NDRG2: variants seen among roughly 807,000 people sequenced by gnomAD.
NDRG2 encodes protein NDRG2.
NDRG2 carries 34 observed loss-of-function variants against 58.2 expected under a neutral mutation model. The observed-to-expected ratio is 0.58, with a 90% CI of 0.44 to 0.78. The LOEUF is 0.78. Among genes scored for constraint, NDRG2 ranks in the 30% least tolerant of loss-of-function variants. The pLI is 0.00. For missense variants in NDRG2, 434 were observed against 471.2 expected (o/e 0.92, Z 0.73); for synonymous variants, 187 against 175.9 (o/e 1.06, Z -0.50).
rs374584083 is a variant in NDRG2 at position 21,018,446 on chromosome 14, A to G, written c.861+11T>C. On this transcript the variant is annotated intron_variant, in intron 13 of 15. Transcript: ENST00000556147. ...TGACTGTGGACGGGGGCCCAGGAAC[A>G]GGTTACTGACCTTGAGGAACGAGGT... is the stretch of plus-strand genomic sequence containing the variant. 6.2e-6 allele frequency: 10 copies of G among 1,613,658 alleles called. No individual in the cohort carries two copies. The highest frequency in any genetic ancestry group is 8.5e-6 in the Non-Finnish European group (10 of 1,179,866).
intron 1 of NDRG2, chr14:21,058,249 G>A (rs745461808): frequency 3.1e-6 from 5 of 1,614,094 alleles, no homozygotes. Context: ...CAAACTGCAG[G>A]TACAAAGAGA....
chr14:21,062,349 A>T (rs544711581), intron 1 of NDRG2, among the ~76,000 whole-genome samples: 1 of 152,326 alleles, frequency 6.6e-6, no homozygotes, highest in South Asian at 2.1e-4. Context: ...CTCAAGGCTC[A>T]GGCTCAAGGG....
chr14:21,060,302 C>A (rs939405420), intron 1 of NDRG2, among the ~76,000 whole-genome samples: 1 of 152,090 alleles, frequency 6.6e-6, no homozygotes, highest in East Asian at 1.9e-4. Context: ...CGTAGTTTCC[C>A]CCACAGCCTC....
At chr14:21,042,432 C>G (rs1884939592) in intron 1 of NDRG2, 1 of 160,398 alleles carries the variant, frequency 6.2e-6, no homozygotes, top group Non-Finnish European at 1.4e-5. Context: ...GCACGAAGAC[C>G]AAGCGCAAAG....
intron 2 of NDRG2, 62 bp from the exon 3 acceptor site, chr14:21,022,967 GACAA>G (rs1359916225): frequency 2.5e-6 from 4 of 1,578,312 alleles, no homozygotes; most frequent in Admixed American, 1.7e-5. Context: ...CAGATGGAGA[GACAA>G]ACAGACAAAG....
chr14:21,030,454 G>A (rs1417070330), upstream of NDRG2: 1 of 932,404 alleles, frequency 1.1e-6, no homozygotes, highest in Non-Finnish European at 1.6e-6. Context: ...CAGGGAAGAG[G>A]GGAGCTGTTC....
At position 21,038,041 on chromosome 14, in the gene NDRG2, C is replaced by G. The variant is rs201931402; in HGVS notation, c.25-14720G>C. ...CCCTGTCCAATTCAAGTTGCTCAAA[C>G]AATATACTGTGTCATGGACAGTTCC... On this transcript the variant is annotated intron_variant, in intron 1 of 14. Coordinates refer to the NDRG2 transcript ENST00000403829. Among the ~76,000 whole-genome samples the G allele has an allele frequency of 2.0e-5, 3 of 152,254 alleles. No homozygotes were observed. The East Asian group carries it at 5.8e-4, about 29-fold the overall frequency.
chr14:21,017,940 G>GT lies in NDRG2; in HGVS notation c.949+46dup, dbSNP rs776003632. 3.1e-6 allele frequency: 5 copies of GT among 1,613,930 alleles called. No individual in the cohort carries two copies. The African/African-American group carries it at 6.7e-5, about 22-fold the overall frequency. On this transcript the variant is annotated intron_variant, in intron 15 of 15. Transcript: ENST00000556147. Reference sequence around the variant, plus strand: ...CACCTAAAACGGTTCCACCCCGTCAGTGCCTATCTCTCCTCTAGTGCAGCA... The same window carrying GT: ...CACCTAAAACGGTTCCACCCCGTCAGTTGCCTATCTCTCCTCTAGTGCAGCA...
chr14:21,024,275 G>A lies in NDRG2; in HGVS notation c.-252C>T, dbSNP rs531115440. 4.1e-6 allele frequency: 4 copies of A among 985,400 alleles called. No homozygotes were observed. The highest frequency in any genetic ancestry group is 3.6e-6 in the Non-Finnish European group (3 of 830,012). 61.0% of individuals were successfully genotyped at this position (985,400 alleles called of 1,614,324 possible). A position where few individuals can be genotyped will look rare whatever the true frequency, so the allele number is the denominator to read the frequency against. On this transcript the variant is annotated 5_prime_UTR_variant, in exon 1 of 16. Coordinates refer to ENST00000556147, the MANE Select transcript of NDRG2 (RefSeq NM_001320329.2). ...AACACGTCCTCTCTAGGCTCGAGCCGGAATCAATATAGGCTACAAGGGCAT... is the reference window on the plus strand; with the variant it reads ...AACACGTCCTCTCTAGGCTCGAGCCAGAATCAATATAGGCTACAAGGGCAT...
chr14:21,035,067 T>C (rs1333881969), intron 1 of NDRG2, among the ~76,000 whole-genome samples: 1 of 152,214 alleles, frequency 6.6e-6, no homozygotes, highest in Non-Finnish European at 1.5e-5. Context: ...GAACAGAGCA[T>C]TCGCCACTTT....
chr14:21,033,719 G>A, intron 1 of NDRG2: 1 of 877,996 alleles, frequency 1.1e-6, no homozygotes, highest in Non-Finnish European at 1.9e-6. Flanking sequence ...GACCCTGCCT[G>A]CCTCGTAAGT....
At chr14:21,036,819 G>T (rs986824664) in intron 1 of NDRG2, among the ~76,000 whole-genome samples, 5 of 152,176 alleles carry the variant, frequency 3.3e-5, no homozygotes, top group Non-Finnish European at 7.3e-5. Flanking sequence ...CCTCGCCAAG[G>T]AAGTGGGCAC....
At chr14:21,066,837 A>G (rs961237067) in intron 1 of NDRG2, among the ~76,000 whole-genome samples, 5 of 152,212 alleles carry the variant, frequency 3.3e-5, no homozygotes, top group Non-Finnish European at 7.3e-5. Context: ...ATAAAACCAA[A>G]ACCAATGAAA....
upstream of NDRG2, chr14:21,025,170 A>C: frequency 1.1e-6 from 1 of 906,912 alleles, no homozygotes; most frequent in Non-Finnish European, 1.3e-6. The surrounding 1 kb of genome is among the most constrained non-coding windows in gnomAD (Gnocchi z 5.1). Flanking sequence ...CCAGACCCCC[A>C]GTAAACACGC....
At position 21,017,384 on chromosome 14, in the gene NDRG2, C is replaced by A; in HGVS notation, c.*212G>T. 1 of 618,830 alleles carries A rather than the reference C, an allele frequency of 1.6e-6. No homozygotes were observed. The highest frequency in any genetic ancestry group is 1.8e-5 in the African/African-American group (1 of 54,342). 38.3% of individuals were successfully genotyped at this position (618,830 alleles called of 1,614,324 possible). A position where few individuals can be genotyped will look rare whatever the true frequency, so the allele number is the denominator to read the frequency against. On this transcript the variant is annotated 3_prime_UTR_variant, in exon 16 of 16. Transcript: ENST00000556147. ...AGGAGGAGAATTTAGGGGTCTGGGT[C>A]CCTAAGAGATATTAGGACATCTCTT...
chr14:21,018,622 CTTACCAGGAA>C, intron 12 of NDRG2, 118 bp from the exon 13 acceptor site: 1 of 1,556,346 alleles, frequency 6.4e-7, no homozygotes, highest in Non-Finnish European at 8.7e-7. Context: ...CCAGTTCCTC[CTTACCAGGAA>C]TCAAATTCTT....
chr14:21,021,780 G>A, intron 6 of NDRG2, 37 bp downstream of exon 6: 2 of 1,599,424 alleles, frequency 1.3e-6, no homozygotes, highest in Non-Finnish European at 1.7e-6. Flanking sequence ...GTGCTGGAAA[G>A]AGAACTCTGG....
chr14:21,053,829 T>G (rs74036573), intron 1 of NDRG2, among the ~76,000 whole-genome samples: 4,115 of 152,130 alleles, frequency 0.027, 183 homozygotes, highest in African/African-American at 0.093. Flanking sequence ...AATACACTTC[T>G]GATCAGAGCA....
At chr14:21,046,478 C>CACTCCAGCCTGGGTAAG (rs142854415) in intron 1 of NDRG2, among the ~76,000 whole-genome samples, 1 of 5,356 alleles carries the variant, frequency 1.9e-4, no homozygotes, top group African/African-American at 2.7e-4. Flanking sequence ...CCATGATCTG[C>CACTCCAGCCTGGGTAAG]ACTCCAGCCT....
Sources: gnomAD v4.1 joint callset for allele counts (sites outside exome capture counted in the v4.1 genomes callset) on GRCh38, gnomAD v4.1.1 for gene constraint, Gnocchi (gnomAD v3.1) non-coding constraint, MANE v1.5 for transcripts, NCBI Gene and HGNC (gene_info 2026-07-23, HGNC 2026-07-21) for gene names.